The following SDK1 variants were observed in gnomAD, a reference collection of about 807,000 sequenced individuals.
SDK1 encodes sidekick cell adhesion molecule 1, also known as protein sidekick-1.
Under a neutral mutation model 245.5 loss-of-function variants are expected in SDK1, and 157 were observed. The ratio of observed to expected loss-of-function variants is 0.64; its 90% CI spans 0.56 to 0.73. The LOEUF (loss-of-function observed/expected upper bound fraction) is 0.73, where lower values mean the gene tolerates loss of function less well. Ranked by LOEUF, SDK1 falls within the 30% of genes least tolerant of loss-of-function variation. SDK1 has a pLI of 0.00. For missense variants in SDK1, 3,583 were observed against 3,002.3 expected (o/e 1.19, Z -4.52); for synonymous variants, 1,647 against 1,278.5 (o/e 1.29, Z -6.15).
intron 5 of SDK1, among the ~76,000 whole-genome samples, chr7:3,829,062 T>C (rs951647931): frequency 1.3e-5 from 2 of 152,230 alleles, no homozygotes; most frequent in African/African-American, 4.8e-5. Context: ...ATCAAATGTT[T>C]AGACGTGCTT....
chr7:3,852,970 T>C (rs1196632947), intron 5 of SDK1, among the ~76,000 whole-genome samples: 4 of 152,066 alleles, frequency 2.6e-5, no homozygotes, highest in African/African-American at 2.4e-5. Flanking sequence ...TCTGTTTTCC[T>C]ACCTGACCGT....
At chr7:3,869,180 G>A (rs1403124136) in intron 5 of SDK1, among the ~76,000 whole-genome samples, 4 of 140,300 alleles carry the variant, frequency 2.9e-5, no homozygotes, top group African/African-American at 1.1e-4. Flanking sequence ...TTTTGAGGCA[G>A]GGTCTCACTC....
intron 1 of SDK1, among the ~76,000 whole-genome samples, chr7:3,329,171 G>A (rs761152523): frequency 6.6e-6 from 1 of 152,058 alleles, no homozygotes; most frequent in Non-Finnish European, 1.5e-5. Context: ...ATATATGTAT[G>A]AGGCATATCA....
intron 1 of SDK1, among the ~76,000 whole-genome samples, chr7:3,466,120 G>A (rs1415849927): frequency 6.6e-6 from 1 of 151,912 alleles, no homozygotes; most frequent in African/African-American, 2.4e-5. Flanking sequence ...ATGTGGAGCA[G>A]GACTGCTGGA....
At chr7:3,794,822 C>T (rs1778922430) in intron 4 of SDK1, among the ~76,000 whole-genome samples, 1 of 152,168 alleles carries the variant, frequency 6.6e-6, no homozygotes, top group African/African-American at 2.4e-5. Context: ...ATCCTCTTTC[C>T]TCCATTTCAT....
intron 40 of SDK1, 183 bp from the exon 41 acceptor site, chr7:4,233,072 C>T: frequency 1.7e-6 from 1 of 579,448 alleles, no homozygotes. Context: ...CCATTCATCT[C>T]CAGAACGCTC....
rs143438052 is a variant in SDK1, at chr7:3,995,579, C to G, written c.2131+8257C>G. ...AGGCAAGACAGCAACACTAATGCAA[C>G]TATCTAGAAGGCAATCATTTGAATA... is the stretch of plus-strand genomic sequence containing the variant. On this transcript the variant is annotated intron_variant, in intron 14 of 44. Transcript: ENST00000404826. Among the ~76,000 whole-genome samples the G allele has an allele frequency of 2.7e-3, 414 of 152,354 alleles. 3 individuals are homozygous for G. The highest frequency in any genetic ancestry group is 9.4e-3 in the African/African-American group (391 of 41,584).
intron 1 of SDK1, among the ~76,000 whole-genome samples, chr7:3,392,160 C>T (rs1245196695): frequency 6.6e-6 from 1 of 151,898 alleles, no homozygotes; most frequent in African/African-American, 2.4e-5. Context: ...CGCTTAAAAC[C>T]TTTGCATAAC....
intron 1 of SDK1, among the ~76,000 whole-genome samples, chr7:3,592,921 GTCC>G (rs1780928237): frequency 6.6e-6 from 1 of 152,158 alleles, no homozygotes; most frequent in African/African-American, 2.4e-5. Context: ...TGGAGTCCTT[GTCC>G]TCCTGCCCTC....
At position 3,477,798 on chromosome 7, in the gene SDK1, G is replaced by C. The variant is rs369394630; in HGVS notation, c.299-141282G>C. 5.2e-4 allele frequency among the ~76,000 whole-genome samples: 79 copies of C among 152,098 alleles called. No homozygotes were observed. In the East Asian group the frequency reaches 0.011, roughly 21 times the overall value. The stretch of plus-strand genomic sequence containing the variant: ...CAAAGCACAGGGATTACAGGTGTGA[G>C]GTACCACACCTGGCCTGCTTTATGG... On this transcript the variant is annotated intron_variant, in intron 1 of 44. Coordinates refer to ENST00000404826, the MANE Select transcript of SDK1 (RefSeq NM_152744.4).
intron 4 of SDK1, among the ~76,000 whole-genome samples, chr7:3,733,022 C>T (rs1035724882): frequency 2.0e-5 from 3 of 152,230 alleles, no homozygotes; most frequent in Middle Eastern, 3.4e-3. Flanking sequence ...GTTGTCTACA[C>T]GTTGACAAGT....
At chr7:4,147,123 G>T (rs910131224) in intron 29 of SDK1, among the ~76,000 whole-genome samples, 1 of 152,214 alleles carries the variant, frequency 6.6e-6, no homozygotes, top group Admixed American at 6.5e-5. Flanking sequence ...GGACGGGAGG[G>T]AGCTTGCAGG....
chr7:3,516,236 A>G (rs571516422), intron 1 of SDK1, among the ~76,000 whole-genome samples: 12 of 151,740 alleles, frequency 7.9e-5, no homozygotes, highest in South Asian at 4.1e-4. Context: ...ATATTATGTG[A>G]TATATACATA....
chr7:4,138,461 A>C (rs1465721179), intron 28 of SDK1, among the ~76,000 whole-genome samples: 1 of 152,142 alleles, frequency 6.6e-6, no homozygotes, highest in East Asian at 1.9e-4. Context: ...AATGATTACC[A>C]AAGGCCAGGC....
intron 14 of SDK1, among the ~76,000 whole-genome samples, chr7:4,002,183 C>T (rs921199762): frequency 2.6e-5 from 4 of 152,232 alleles, no homozygotes; most frequent in Admixed American, 2.6e-4. Flanking sequence ...CCCAGATGAG[C>T]TCTGACTAGA....
intron 5 of SDK1, among the ~76,000 whole-genome samples, chr7:3,933,664 A>G (rs539337607): frequency 7.2e-5 from 11 of 152,214 alleles, no homozygotes; most frequent in Non-Finnish European, 1.6e-4. Context: ...GTTCATTGAT[A>G]TATTTGTATA....
At chr7:3,724,531 C>T (rs998138996) in intron 4 of SDK1, among the ~76,000 whole-genome samples, 3 of 152,184 alleles carry the variant, frequency 2.0e-5, no homozygotes, top group Non-Finnish European at 4.4e-5. Context: ...AAACTGTGAT[C>T]ATGATTATGC....
chr7:3,858,792 G>C (rs1461775883), intron 5 of SDK1, among the ~76,000 whole-genome samples: 1 of 150,754 alleles, frequency 6.6e-6, no homozygotes, highest in African/African-American at 2.4e-5. Context: ...ATGAGCAATA[G>C]TGTTGTTTTT....
At chr7:3,973,099 C>A (rs1188533727) in intron 12 of SDK1, among the ~76,000 whole-genome samples, 3 of 152,130 alleles carry the variant, frequency 2.0e-5, no homozygotes, top group South Asian at 4.1e-4. Context: ...GAGGCCCCTT[C>A]CTCAGATGGA....
Sources: gnomAD v4.1 joint callset for allele counts (sites outside exome capture counted in the v4.1 genomes callset) on GRCh38, gnomAD v4.1.1 for gene constraint, MANE v1.5 for transcripts, NCBI Gene and HGNC (gene_info 2026-07-23, HGNC 2026-07-21) for gene names.